TULP4: variants seen among roughly 807,000 people sequenced by gnomAD.
TULP4 encodes TUB like protein 4.
TULP4 carries 16 observed loss-of-function variants against 129.0 expected under a neutral mutation model. The ratio of observed to expected loss-of-function variants is 0.12; its 90% CI spans 0.08 to 0.19. The LOEUF (loss-of-function observed/expected upper bound fraction) is 0.19, where lower values mean the gene tolerates loss of function less well. TULP4 is among the 10% of genes least tolerant of loss of function. TULP4 has a pLI of 1.00. For synonymous variants in TULP4, 998 were observed against 854.0 expected, an observed-to-expected ratio of 1.17 and a Z score of -2.94; for missense variants, 1,842 against 2,059.1, an observed-to-expected ratio of 0.89 and a Z score of 2.04.
chr6:158,444,514 A>G (rs971439334), intron 3 of TULP4, among the ~76,000 whole-genome samples: 2 of 152,122 alleles, frequency 1.3e-5, no homozygotes, highest in African/African-American at 2.4e-5. Context: ...CTCTTACAAA[A>G]GAGTGAACAT....
At chr6:158,380,620 C>T (rs1015554563) in intron 1 of TULP4, among the ~76,000 whole-genome samples, 5 of 152,086 alleles carry the variant, frequency 3.3e-5, no homozygotes, top group African/African-American at 1.2e-4. Context: ...GGAGGCCAGG[C>T]ATGGTGGCTC....
At chr6:158,459,344 C>A (rs1170556704) in intron 5 of TULP4, among the ~76,000 whole-genome samples, 1 of 151,970 alleles carries the variant, frequency 6.6e-6, no homozygotes, top group Non-Finnish European at 1.5e-5. Context: ...GCAGGAGAAT[C>A]GCTTGAACCC....
At chr6:158,392,794 C>CTTTTTCTTTTT (rs1777615253) in intron 1 of TULP4, among the ~76,000 whole-genome samples, 3 of 54,642 alleles carry the variant, frequency 5.5e-5, no homozygotes, top group African/African-American at 8.7e-5. Context: ...ATTTGTATTT[C>CTTTTTCTTTTT]TTTTTTTTTT....
chr6:158,336,249 A>G (rs866223528), intron 1 of TULP4, among the ~76,000 whole-genome samples: 3 of 152,340 alleles, frequency 2.0e-5, no homozygotes, highest in Middle Eastern at 3.4e-3. Context: ...AATTGTCTAT[A>G]TCTTTCATCT....
chr6:158,382,251 C>CT (rs772105494), intron 1 of TULP4, among the ~76,000 whole-genome samples: 1 of 152,154 alleles, frequency 6.6e-6, no homozygotes, highest in Non-Finnish European at 1.5e-5. Context: ...GTGTCTGTAT[C>CT]TGTCTATTTT....
At chr6:158,448,974 A>G in intron 3 of TULP4, 22 bp from the exon 4 acceptor site, 1 of 1,585,560 alleles carries the variant, frequency 6.3e-7, no homozygotes, top group Non-Finnish European at 8.6e-7. Context: ...ACTTGGTCAG[A>G]GGTCCCCATC....
intron 1 of TULP4, among the ~76,000 whole-genome samples, chr6:158,408,502 G>A (rs760258605): frequency 3.3e-5 from 5 of 152,092 alleles, no homozygotes; most frequent in African/African-American, 7.2e-5. Flanking sequence ...GAATGTTTGC[G>A]GTGTGCCTGG....
chr6:158,444,857 G>C (rs1156260936), intron 3 of TULP4, among the ~76,000 whole-genome samples: 1 of 152,140 alleles, frequency 6.6e-6, no homozygotes, highest in Non-Finnish European at 1.5e-5. Context: ...AGTCACCCAG[G>C]GTGGAGTGCA....
chr6:158,419,242 C>G (rs975219597), intron 2 of TULP4, among the ~76,000 whole-genome samples: 3 of 152,110 alleles, frequency 2.0e-5, no homozygotes, highest in Non-Finnish European at 4.4e-5. Context: ...ACCCATAACC[C>G]CTACTTGAAA....
intron 2 of TULP4, among the ~76,000 whole-genome samples, chr6:158,425,655 G>A (rs973963267): frequency 1.3e-5 from 2 of 151,814 alleles, no homozygotes; most frequent in Non-Finnish European, 2.9e-5. Context: ...TGTTGCCCAG[G>A]CTGGAGTGCA....
chr6:158,456,061 T>C (rs899905327), intron 5 of TULP4, among the ~76,000 whole-genome samples: 4 of 152,134 alleles, frequency 2.6e-5, no homozygotes, highest in Admixed American at 1.3e-4. Flanking sequence ...GCAATCATGA[T>C]TAGTAGTAAG....
chr6:158,242,075 G>T, intron 1 of TULP4: 1 of 803,194 alleles, frequency 1.2e-6, no homozygotes, highest in South Asian at 1.3e-5. Context: ...AGTAGTATTT[G>T]ATTGTAAAGT....
intron 1 of TULP4, among the ~76,000 whole-genome samples, chr6:158,349,011 A>AC (rs1780400460): frequency 1.6e-5 from 1 of 64,466 alleles, no homozygotes; most frequent in East Asian, 3.3e-4. Context: ...GGCGCTCCTC[A>AC]CTTCCCAGAC....
chr6:158,504,215 A>C, intron 13 of TULP4, 37 bp downstream of exon 13: 1 of 1,475,252 alleles, frequency 6.8e-7, no homozygotes, highest in Non-Finnish European at 9.1e-7. Context: ...CGAGCCCAGG[A>C]GGCGAGGGTT....
At chr6:158,247,375 G>A (rs193090710) in intron 1 of TULP4, among the ~76,000 whole-genome samples, 121 of 152,266 alleles carry the variant, frequency 7.9e-4, no homozygotes, top group Non-Finnish European at 1.5e-3. Context: ...TTATTTGTAT[G>A]TTTCAGCTAT....
chr6:158,383,988 A>T (rs1777383041), intron 1 of TULP4, among the ~76,000 whole-genome samples: 1 of 152,214 alleles, frequency 6.6e-6, no homozygotes. Context: ...CTTTATACCA[A>T]AGAGTGTAAC....
chr6:158,453,357 G>A (rs540234230), intron 5 of TULP4, among the ~76,000 whole-genome samples: 9 of 151,624 alleles, frequency 5.9e-5, no homozygotes, highest in East Asian at 5.8e-4. Flanking sequence ...GGTGGCGGGC[G>A]CCTGTAGTCC....
chr6:158,481,915 C>G (rs775472135), intron 8 of TULP4, among the ~76,000 whole-genome samples: 5 of 152,182 alleles, frequency 3.3e-5, no homozygotes, highest in Admixed American at 6.5e-5. Context: ...AGGGAAGGGA[C>G]TTTGTTCTTT....
intron 1 of TULP4, among the ~76,000 whole-genome samples, chr6:158,250,105 G>A (rs1266772842): frequency 6.6e-6 from 1 of 151,848 alleles, no homozygotes; most frequent in Non-Finnish European, 1.5e-5. Context: ...CAAAGTGCTG[G>A]GATTAGAGAC....
Sources: allele counts gnomAD v4.1 joint callset (sites outside exome capture counted in the v4.1 genomes callset), GRCh38; gene constraint gnomAD v4.1.1; transcripts MANE v1.5; gene names NCBI Gene and HGNC (gene_info 2026-07-23, HGNC 2026-07-21).